EXOSC4: variants seen among roughly 807,000 people sequenced by gnomAD.
EXOSC4 encodes exosome complex component RRP41.
In EXOSC4, 14 loss-of-function variants were observed where a neutral mutation model predicts 20.0. The observed-to-expected ratio is 0.70, with a 90% CI of 0.46 to 1.09. EXOSC4 has a LOEUF of 1.09. Among genes scored for constraint, EXOSC4 ranks in the 50% least tolerant of loss-of-function variants. EXOSC4 has a pLI of 0.00. For missense variants in EXOSC4, 337 were observed against 334.0 expected, an observed-to-expected ratio of 1.01 and a Z score of -0.07; for synonymous variants, 148 against 146.4, an observed-to-expected ratio of 1.01 and a Z score of -0.08.
chr8:144,070,823 C>T, the EXOSC4 span, among the ~76,000 whole-genome samples: 3 of 151,670 alleles, frequency 2.0e-5, no homozygotes, highest in African/African-American at 4.8e-5. Context: ...AGCAAAACTC[C>T]GTCTTGAAAA....
the EXOSC4 span, among the ~76,000 whole-genome samples, chr8:144,069,220 A>ACCCAGGCTGAGTGGTTGGGTGTGCT: frequency 1.3e-5 from 2 of 152,356 alleles, no homozygotes; most frequent in African/African-American, 4.8e-5. Flanking sequence ...GCCAGGCTGC[A>ACCCAGGCTGAGTGGTTGGGTGTGCT]CCCAGGCTGA....
chr8:144,064,509 C>T, the EXOSC4 span, among the ~76,000 whole-genome samples: 13 of 152,360 alleles, frequency 8.5e-5, no homozygotes, highest in East Asian at 1.9e-4. Context: ...GCCGAGAGCA[C>T]GCTAGGACAG....
the EXOSC4 span, among the ~76,000 whole-genome samples, chr8:144,067,151 C>T: frequency 4.6e-5 from 7 of 152,266 alleles, no homozygotes; most frequent in Non-Finnish European, 7.4e-5. Context: ...TCACACACTC[C>T]GAAAGCCAGA....
chr8:144,077,207 G>A (rs1331523241), upstream of EXOSC4, among the ~76,000 whole-genome samples: 1 of 152,026 alleles, frequency 6.6e-6, no homozygotes, highest in African/African-American at 2.4e-5. Flanking sequence ...ATTGTGCCAC[G>A]GCACTCTAGC....
At chr8:144,074,855 G>C (rs782752231), upstream of EXOSC4, among the ~76,000 whole-genome samples, 1 of 151,734 alleles carries the variant, frequency 6.6e-6, no homozygotes, top group South Asian at 2.1e-4. Context: ...TTACAGGCAC[G>C]AGCTACCTCA....
At chr8:144,077,723 G>A (rs1210537514), upstream of EXOSC4, among the ~76,000 whole-genome samples, 1 of 152,194 alleles carries the variant, frequency 6.6e-6, no homozygotes, top group African/African-American at 2.4e-5. Flanking sequence ...AAAATACCAT[G>A]CACATGTTGT....
chr8:144,070,692 G>T, the EXOSC4 span, among the ~76,000 whole-genome samples: 1 of 151,902 alleles, frequency 6.6e-6, no homozygotes, highest in Non-Finnish European at 1.5e-5. Flanking sequence ...GCCGGGCATG[G>T]TGGCGCACGC....
chr8:144,079,419 T>G (rs1587587123), intron 1 of EXOSC4: 2 of 261,656 alleles, frequency 7.6e-6, no homozygotes, highest in Non-Finnish European at 1.5e-5. Flanking sequence ...ATTGAAAGAG[T>G]GTTTGCTTAG....
chr8:144,073,000 G>T, the EXOSC4 span, among the ~76,000 whole-genome samples: 1 of 152,244 alleles, frequency 6.6e-6, no homozygotes, highest in Non-Finnish European at 1.5e-5. Context: ...TTATGCAAAG[G>T]CCCATGAACA....
chr8:144,066,813 C>T, the EXOSC4 span, among the ~76,000 whole-genome samples: 2 of 151,860 alleles, frequency 1.3e-5, no homozygotes, highest in African/African-American at 4.8e-5. Context: ...CTCGGCCAGG[C>T]GAGGTGGCTC....
the EXOSC4 span, among the ~76,000 whole-genome samples, chr8:144,069,847 C>T: frequency 2.6e-5 from 4 of 152,214 alleles, no homozygotes; most frequent in Admixed American, 6.5e-5. Flanking sequence ...GGGGGTTCCC[C>T]CAAGGGAGTG....
Position 144,078,778 on chromosome 8 carries a change from G to T in EXOSC4, c.50G>T (p.Arg17Leu). 1 of 1,542,324 alleles carries T rather than the reference G, an allele frequency of 6.5e-7. No individual in the cohort carries two copies. Among genetic ancestry groups the T allele is most frequent in the Non-Finnish European group, 8.7e-7 (1 of 1,147,240 alleles). ...GACCAGGGCTACCGGGTGGACGGGC[G>T]GCGCGCCGGGGAGCTGCGCAAGATC... ...LSDQGYRVDG[R>L]RAGELRKIQA... The change falls in exon 1 of 3, where the codon CGG (arginine) becomes CTG (leucine). Residue 17 changes from arginine to leucine, a missense_variant. By Grantham distance (102) the Arg-to-Leu change is moderately radical (BLOSUM62 -2). Transcript: ENST00000316052. The surrounding 1 kb of genome is among the most constrained non-coding windows in gnomAD (Gnocchi z 4.7).
the EXOSC4 span, among the ~76,000 whole-genome samples, chr8:144,064,487 G>A: frequency 6.6e-6 from 1 of 152,264 alleles, no homozygotes; most frequent in East Asian, 1.9e-4. Context: ...CAGGGCTACA[G>A]GGGCAGAGCC....
At chr8:144,079,721 T>TTACAACATTG (rs782588921) in intron 1 of EXOSC4, 3 of 690,490 alleles carry the variant, frequency 4.3e-6, no homozygotes. Context: ...AAACTTGGGT[T>TTACAACATTG]GGCAGGGAAT....
Position 144,080,248 on chromosome 8 carries a change from C to G in EXOSC4, c.385C>G (p.Gln129Glu), listed in dbSNP as rs373523635. ...SQIDIYVQVL[Q>E]ADGGTYAACV... Reference sequence around the variant, plus strand: ...CACCCTGGGTTCCCTGCAGGTGCTACAGGCAGATGGTGGGACCTATGCAGC... The same window carrying G: ...CACCCTGGGTTCCCTGCAGGTGCTAGAGGCAGATGGTGGGACCTATGCAGC... Residue 129 changes from glutamine (Q) to glutamate (E), a missense_variant, in exon 3 of 3, where the codon CAG becomes GAG. Physicochemically the swap from Gln to Glu is conservative, Grantham distance 29. Transcript: ENST00000316052. The surrounding 1 kb of genome is among the most constrained non-coding windows in gnomAD (Gnocchi z 4.9). 3 of 1,612,984 alleles carry G rather than the reference C, an allele frequency of 1.9e-6. No individual in the cohort carries two copies. The highest frequency in any genetic ancestry group is 2.5e-6 in the Non-Finnish European group (3 of 1,179,408).
At chr8:144,078,650 G>A (rs1835861428), upstream of EXOSC4, 2 of 1,330,206 alleles carry the variant, frequency 1.5e-6, no homozygotes, top group East Asian at 3.1e-5. This position sits in a 1 kb window ranked among gnomAD's most constrained non-coding sequence, Gnocchi z 4.7. Flanking sequence ...TAGATTCCGG[G>A]CGGTCGGAGC....
At chr8:144,066,486 G>A in the EXOSC4 span, among the ~76,000 whole-genome samples, 8 of 138,194 alleles carry the variant, frequency 5.8e-5, no homozygotes, top group African/African-American at 2.2e-4. Flanking sequence ...CTGTCACCCA[G>A]GCTGGAGTGC....
chr8:144,071,633 C>A, the EXOSC4 span, among the ~76,000 whole-genome samples: 1 of 150,974 alleles, frequency 6.6e-6, no homozygotes, highest in Non-Finnish European at 1.5e-5. Flanking sequence ...ATGAGACATG[C>A]AAAGAAAGAG....
chr8:144,080,423 T>C lies in EXOSC4; in HGVS notation c.560T>C (p.Leu187Pro). Residue 187 changes from leucine to proline, a missense_variant, in exon 3 of 3, where the codon CTG becomes CCG. Transcript: ENST00000316052. The surrounding 1 kb of genome is among the most constrained non-coding windows in gnomAD (Gnocchi z 4.9). The stretch of plus-strand genomic sequence containing the variant: ...GCAGCTGGTGGCCCCCAGCTGGCCC[T>C]GGCCCTGCTGCCAGCCTCAGGACAG... ...EEAAGGPQLA[L>P]ALLPASGQIA... 7 of 1,610,668 alleles carry C rather than the reference T, an allele frequency of 4.3e-6. No individual in the cohort carries two copies. Among genetic ancestry groups the C allele is most frequent in the Non-Finnish European group, 5.9e-6 (7 of 1,179,974 alleles).
Sources: gnomAD v4.1 joint callset for allele counts (sites outside exome capture counted in the v4.1 genomes callset) on GRCh38, gnomAD v4.1.1 for gene constraint, Gnocchi (gnomAD v3.1) non-coding constraint, MANE v1.5 for transcripts, NCBI Gene and HGNC (gene_info 2026-07-23, HGNC 2026-07-21) for gene names.